NCOR2: variants seen among roughly 807,000 people sequenced by gnomAD.
The protein encoded by NCOR2 is nuclear receptor corepressor 2.
A neutral mutation model predicts 262.9 loss-of-function variants in NCOR2; 81 were observed. That is an observed-to-expected ratio of 0.31 (90% CI 0.26 to 0.37). The LOEUF (loss-of-function observed/expected upper bound fraction) is 0.37. Ranked by LOEUF, NCOR2 falls within the 10% of genes least tolerant of loss-of-function variation. NCOR2 has a pLI of 1.00. For missense variants in NCOR2, 3,385 were observed against 3,621.4 expected, an observed-to-expected ratio of 0.93 and a Z score of 1.68; for synonymous variants, 1,659 against 1,559.3, an observed-to-expected ratio of 1.06 and a Z score of -1.51.
chr12:124,354,249 C>G, intron 26 of NCOR2, 53 bp from the exon 29 acceptor site: 2 of 1,517,414 alleles, frequency 1.3e-6, no homozygotes, highest in Non-Finnish European at 1.8e-6. Flanking sequence ...CTTCCTTCCC[C>G]AGGCCCCAGT....
Position 124,472,932 on chromosome 12 carries a change from C to G in NCOR2, c.591+20G>C, listed in dbSNP as rs1325706504. ...TGGAGACTCAGAACAAACACTCCCC[C>G]TCCCCCTGCCCATTCACACCTGCTT... On this transcript the variant is annotated intron_variant, in intron 4 of 46. Coordinates refer to ENST00000405201, the Ensembl canonical transcript of NCOR2. 1 of 1,613,098 alleles carries G rather than the reference C, an allele frequency of 6.2e-7. No individual in the cohort carries two copies. Among genetic ancestry groups the G allele is most frequent in the Non-Finnish European group, 8.5e-7 (1 of 1,179,078 alleles).
rs532045505 is a variant in NCOR2, at chr12:124,347,841, G to T, written c.4056C>A (p.Arg1352=). The change falls in exon 30 of 47, where the codon CGC becomes CGA. Residue 1352 remains arginine (R), a synonymous_variant. Transcript: ENST00000405201. ...GGGCAGTACCTTGTGTGATGGACCC[G>T]CGGATGTGGTGCTGCTCTTTGAGGT... 31 of 1,566,158 alleles carry T rather than the reference G, an allele frequency of 2.0e-5. No individual in the cohort carries two copies. In the African/African-American group the frequency reaches 3.8e-4, roughly 19 times the overall value.
At chr12:124,554,306 C>T (rs544433522) in intron 1 of NCOR2, among the ~76,000 whole-genome samples, 18 of 152,348 alleles carry the variant, frequency 1.2e-4, no homozygotes, top group African/African-American at 3.8e-4. Flanking sequence ...GTGTCCAAGG[C>T]TCCGTGCCCT....
At chr12:124,361,003 T>C (rs1034591421) in intron 22 of NCOR2, among the ~76,000 whole-genome samples, 3 of 152,034 alleles carry the variant, frequency 2.0e-5, no homozygotes, top group African/African-American at 7.2e-5. Flanking sequence ...CCTGGGGCCT[T>C]GGGTTTTCAA....
At chr12:124,497,075 C>T (rs185185517), upstream of NCOR2, among the ~76,000 whole-genome samples, 1 of 152,198 alleles carries the variant, frequency 6.6e-6, no homozygotes, top group Non-Finnish European at 1.5e-5. The surrounding 1 kb of genome is among the most constrained non-coding windows in gnomAD (Gnocchi z 4.2). Context: ...ATTAGGGGAG[C>T]CAGGGCACTC....
upstream of NCOR2, among the ~76,000 whole-genome samples, chr12:124,498,333 A>AGCTGGCTG (rs1421634514): frequency 6.6e-6 from 1 of 152,184 alleles, no homozygotes; most frequent in African/African-American, 2.4e-5. Context: ...AGTGCCCCGC[A>AGCTGGCTG]GCTGGCTGGC....
rs998739819 is a variant in NCOR2 at position 124,482,856 on chromosome 12, C to T, written c.411+740G>A. Among the ~76,000 whole-genome samples, 6 of 152,162 alleles carry T rather than the reference C, an allele frequency of 3.9e-5. No individual in the cohort carries two copies. The highest frequency in any genetic ancestry group is 1.4e-4 in the African/African-American group (6 of 41,436). On this transcript the variant is annotated intron_variant, in intron 3 of 46. Transcript: ENST00000405201. The surrounding 1 kb of genome is among the most constrained non-coding windows in gnomAD (Gnocchi z 6.3). Reference sequence around the variant, plus strand: ...GGCTGCAGACTCAACCCACGCTAGCCCAGTGCCACACGGTGGCCCAAGGAG... The same window carrying T: ...GGCTGCAGACTCAACCCACGCTAGCTCAGTGCCACACGGTGGCCCAAGGAG...
At chr12:124,409,324 C>T (rs756908753) in intron 13 of NCOR2, among the ~76,000 whole-genome samples, 17 of 152,234 alleles carry the variant, frequency 1.1e-4, no homozygotes, top group Non-Finnish European at 2.1e-4. Context: ...TGGAAGATGG[C>T]CCGCATGTTC....
rs114099114 is a variant in NCOR2 at position 124,531,377 on chromosome 12, C to T, written c.-118+4188G>A. Among the ~76,000 whole-genome samples the T allele has an allele frequency of 2.2e-3, 330 of 152,296 alleles. 2 individuals are homozygous for T. The highest frequency in any genetic ancestry group is 7.7e-3 in the African/African-American group (318 of 41,566). On this transcript the variant is annotated intron_variant, in intron 1 of 46. Coordinates refer to the NCOR2 transcript ENST00000404621. The surrounding 1 kb of genome is among the most constrained non-coding windows in gnomAD (Gnocchi z 4.5). ...ACGGCAGGAGGGGCATCCCCCGGGC[C>T]CGATTAGCGGGCGGCCGCAGGCAGA...
rs755575936 is a variant in NCOR2 at position 124,419,941 on chromosome 12, C to A, written c.1482+16G>T. ...AGGGAGCCTGCAAGGACAGTCACCC[C>A]CACCTTGCCTCTTACCTGGCTCTTG... On this transcript the variant is annotated intron_variant, in intron 13 of 46. Coordinates refer to ENST00000405201, the Ensembl canonical transcript of NCOR2. The A allele has an allele frequency of 3.7e-6, 6 of 1,609,788 alleles. No individual in the cohort carries two copies. In the African/African-American group the frequency reaches 6.7e-5, roughly 18 times the overall value.
chr12:124,527,084 G>A (rs1314350115), intron 1 of NCOR2, among the ~76,000 whole-genome samples: 1 of 152,248 alleles, frequency 6.6e-6, no homozygotes, highest in East Asian at 1.9e-4. Context: ...ATCTGTTTAT[G>A]GCAGTCGTGG....
upstream of NCOR2, chr12:124,539,707 A>T (rs2051230850): frequency 6.6e-6 from 1 of 151,444 alleles, no homozygotes; most frequent in Admixed American, 6.6e-5. The surrounding 1 kb of genome is among the most constrained non-coding windows in gnomAD (Gnocchi z 5.1). Context: ...ACCTGCCAGC[A>T]CCCCCCTTGT....
chr12:124,358,119 G>C (rs1211260345), intron 22 of NCOR2, among the ~76,000 whole-genome samples: 1 of 148,540 alleles, frequency 6.7e-6, no homozygotes, highest in Admixed American at 6.7e-5. Context: ...GCGTGCGTGT[G>C]AGTGCATGGA....
At chr12:124,463,704 C>T (rs1258287741) in intron 5 of NCOR2, among the ~76,000 whole-genome samples, 2 of 152,234 alleles carry the variant, frequency 1.3e-5, no homozygotes, top group Non-Finnish European at 2.9e-5. Flanking sequence ...AAAATTTAAT[C>T]CTACTGATCC....
At chr12:124,340,743 C>A in exon 35 of NCOR2, 1 of 1,540,436 alleles carries the variant, frequency 6.5e-7, no homozygotes, top group Admixed American at 2.3e-5. Flanking sequence ...TGGGACAGGT[C>A]GATGATGCCT....
In NCOR2 at chr12:124,481,037, C is replaced by A. The variant is rs1250936208; in HGVS notation, c.411+2559G>T. On this transcript the variant is annotated intron_variant, in intron 3 of 46. Transcript: ENST00000405201. The surrounding 1 kb of genome is among the most constrained non-coding windows in gnomAD (Gnocchi z 4.6). ...CGCTGGGTGGTGGCTGGGAGTGGCT[C>A]TGTGGTAGGGAGGTTGCCCCAGGGG... Among the ~76,000 whole-genome samples, 8 of 149,442 alleles carry A rather than the reference C, an allele frequency of 5.4e-5. No individual in the cohort carries two copies. Among genetic ancestry groups the A allele is most frequent in the Admixed American group, 4.7e-4 (7 of 15,028 alleles).
exon 22 of NCOR2, chr12:124,362,292 G>A: frequency 2.3e-6 from 3 of 1,316,882 alleles, no homozygotes; most frequent in Non-Finnish European, 2.9e-6. Flanking sequence ...GGACTTTGGT[G>A]ACCTGCTGAG....
At chr12:124,499,596 A>T (rs939051538), upstream of NCOR2, among the ~76,000 whole-genome samples, 1 of 152,124 alleles carries the variant, frequency 6.6e-6, no homozygotes, top group African/African-American at 2.4e-5. Flanking sequence ...CTTGGGGGTG[A>T]GCCCCCGCCA....
intron 1 of NCOR2, among the ~76,000 whole-genome samples, chr12:124,555,035 G>A (rs1437469318): frequency 6.6e-6 from 1 of 152,228 alleles, no homozygotes; most frequent in Non-Finnish European, 1.5e-5. Context: ...AGCACACAAT[G>A]GGCCCTGCCC....
Sources: gnomAD v4.1 joint callset for allele counts (sites outside exome capture counted in the v4.1 genomes callset) on GRCh38, gnomAD v4.1.1 for gene constraint, Gnocchi (gnomAD v3.1) non-coding constraint, MANE v1.5 for transcripts, NCBI Gene and HGNC (gene_info 2026-07-23, HGNC 2026-07-21) for gene names.